TFE3: variants seen among roughly 807,000 people sequenced by gnomAD.
TFE3 encodes transcription factor E3.
Under a neutral mutation model 35.0 loss-of-function variants are expected in TFE3, and 5 were observed. The observed-to-expected ratio is 0.14, with a 90% CI of 0.07 to 0.30. The LOEUF (loss-of-function observed/expected upper bound fraction) is 0.30, where lower values mean the gene tolerates loss of function less well. Among genes scored for constraint, TFE3 ranks in the 10% least tolerant of loss-of-function variants. TFE3 has a pLI of 1.00. For missense variants in TFE3, 374 were observed against 496.6 expected, an observed-to-expected ratio of 0.75 and a Z score of 2.35; for synonymous variants, 211 against 215.6, an observed-to-expected ratio of 0.98 and a Z score of 0.18.
At chrX:49,038,592 A>G (rs926892730) in intron 3 of TFE3, 150 bp from the exon 4 acceptor site, 182 of 712,409 alleles carry the variant, frequency 2.6e-4, no homozygotes, top group Admixed American at 1.2e-4. Context: ...ACACCCCAAA[A>G]ATATTAGCGA....
intron 8 of TFE3, 146 bp downstream of exon 8, chrX:49,033,319 G>T: frequency 1.9e-6 from 1 of 523,286 alleles, no homozygotes; most frequent in Non-Finnish European, 3.1e-6. Flanking sequence ...GTGAGGGTCT[G>T]CAACCCTGCT....
intron 9 of TFE3, 28 bp downstream of exon 9, chrX:49,031,369 C>A (rs2064698925): frequency 8.6e-7 from 1 of 1,167,481 alleles, no homozygotes; most frequent in African/African-American, 1.8e-5. Context: ...TCCCCCTCTT[C>A]CCCCACCACC....
intron 1 of TFE3, 49 bp from the exon 2 acceptor site, chrX:49,040,617 T>A (rs185415465): frequency 1.2e-6 from 1 of 837,396 alleles, no homozygotes; most frequent in African/African-American, 2.0e-5. Context: ...AGGACCTTAT[T>A]CCCCAGCCCT....
chrX:49,040,822 C>T (rs2064756912), intron 1 of TFE3, among the ~76,000 whole-genome samples: 1 of 107,979 alleles, frequency 9.3e-6, no homozygotes, highest in African/African-American at 3.4e-5. Context: ...GCATCCCAAC[C>T]CCCACACTGT....
At chrX:49,039,703 C>G (rs909908228) in intron 2 of TFE3, 4 of 255,822 alleles carry the variant, frequency 1.6e-5, no homozygotes, top group Non-Finnish European at 2.1e-5. Flanking sequence ...TGCTATTGTT[C>G]AGCTCTGCAA....
In TFE3 at chrX:49,030,522, G is replaced by A. The variant is rs782142662; in HGVS notation, c.1364C>T (p.Ala455Val). The A allele has an allele frequency of 2.5e-6, 3 of 1,211,822 alleles. No homozygotes were observed. The highest frequency in any genetic ancestry group is 3.4e-6 in the Non-Finnish European group (3 of 895,491). The change falls in exon 10 of 10, where the codon GCT becomes GTT. Residue 455 changes from alanine (A) to valine (V), a missense_variant. Physicochemically the swap from Ala to Val is moderately conservative, Grantham distance 64. Transcript: ENST00000315869. ...CTGCTCTGGCTTGAGGCTGTCAGAA[G>A]CCGAAGTCGTGGCCAAGGAAAGCAG... ...PGLLSLATTS[A>V]SDSLKPEQLD... is the part of the protein sequence containing the mutation.
Position 49,039,137 on chromosome X carries a change from G to A in TFE3, c.504C>T (p.Pro168=). 8.4e-7 allele frequency: 1 copy of A among 1,184,724 alleles called. No homozygotes were observed. Among genetic ancestry groups the A allele is most frequent in the Non-Finnish European group, 1.1e-6 (1 of 880,156 alleles). Residue 168 remains proline (P), a synonymous_variant, in exon 3 of 10, where the codon CCC becomes CCT. Coordinates refer to ENST00000315869, the MANE Select transcript of TFE3 (RefSeq NM_006521.6). ...SAGGHTLSRP[P]PAQVPREVLK... Reference sequence around the variant, plus strand: ...GCACCTCCCTGGGCACCTGAGCAGGGGGTGGACGGCTCAATGTGTGGCCCC... The same window carrying A: ...GCACCTCCCTGGGCACCTGAGCAGGAGGTGGACGGCTCAATGTGTGGCCCC...
rs782306835 is a variant in TFE3 at position 49,040,459 on chromosome X, A to G, written c.226T>C (p.Ser76Pro). 56 of 1,202,092 alleles carry G rather than the reference A, an allele frequency of 4.7e-5. No homozygotes were observed. Among genetic ancestry groups the G allele is most frequent in the Non-Finnish European group, 6.1e-5 (54 of 888,716 alleles). ...ELKSQPLPLR[S>P]SLPISLQATP... ...AGATAGACAAGTCATACATACCTTG[A>G]GCGAAGGGGTAAGGGTTGGCTTTTG... The change falls in exon 2 of 10, where the codon TCA becomes CCA. Residue 76 changes from serine to proline, a missense_variant. Ser to Pro is a moderately conservative substitution (Grantham distance 74, BLOSUM62 -1). Transcript: ENST00000315869.
At position 49,043,163 on chromosome X, in the gene TFE3, C is replaced by G. The variant is rs782193138; in HGVS notation, c.64G>C (p.Val22Leu). Reference sequence around the variant, plus strand: ...CTGCGCTCCTCCAACAGCACGAACACGGCTCGAGGGCCCTCCGCGCTGGCC... The same window carrying G: ...CTGCGCTCCTCCAACAGCACGAACAGGGCTCGAGGGCCCTCCGCGCTGGCC... ...VEASAEGPRAVFVLLEERRPA... is the reference protein window; with the variant it reads ...VEASAEGPRALFVLLEERRPA... The change falls in exon 1 of 10, where the codon GTG becomes CTG. Residue 22 changes from valine to leucine, a missense_variant. By Grantham distance (32) the Val-to-Leu change is conservative. Transcript: ENST00000315869. 5.9e-6 allele frequency: 7 copies of G among 1,190,051 alleles called. No homozygotes were observed. The African/African-American group carries it at 1.2e-4, about 21-fold the overall frequency.
chrX:49,033,889 T>C (rs2064713774), intron 6 of TFE3, 107 bp from the exon 7 acceptor site: 1 of 901,903 alleles, frequency 1.1e-6, no homozygotes, highest in African/African-American at 2.0e-5. Flanking sequence ...ATGCCTTTTT[T>C]AAAAAGTGCC....
In TFE3 at chrX:49,028,743, C is replaced by T. The variant is rs1261233981; in HGVS notation, c.*1415G>A. 4.4e-5 allele frequency: 7 copies of T among 160,478 alleles called. No homozygotes were observed. Among genetic ancestry groups the T allele is most frequent in the Non-Finnish European group, 6.1e-5 (5 of 82,598 alleles). The allele number at this position is 160,478 out of a possible 1,213,427, so 13.2% of individuals were successfully genotyped here. ...GGAGACTCTTTGCCAAAGTTAAAAGCGCATCAAACACGCCTAGCTTTTATT... is the reference window on the plus strand; with the variant it reads ...GGAGACTCTTTGCCAAAGTTAAAAGTGCATCAAACACGCCTAGCTTTTATT... On this transcript the variant is annotated 3_prime_UTR_variant, in exon 10 of 10. Coordinates refer to ENST00000315869, the MANE Select transcript of TFE3 (RefSeq NM_006521.6).
At position 49,042,136 on chromosome X, in the gene TFE3, G is replaced by T. The variant is rs1305564413; in HGVS notation, c.116+975C>A. ...TTGATGAAAGTAAGGATGAGAAGAG[G>T]CCAGAGGGGATCCACCCAGGCAGGG... On this transcript the variant is annotated intron_variant, in intron 1 of 9. Transcript: ENST00000315869. Among the ~76,000 whole-genome samples the T allele has an allele frequency of 2.3e-4, 26 of 111,765 alleles. No individual in the cohort carries two copies. The Admixed American group carries it at 2.5e-3, about 11-fold the overall frequency.
rs2064685095 is a variant in TFE3 at position 49,029,410 on chromosome X, T to C, written c.*748A>G. On this transcript the variant is annotated 3_prime_UTR_variant, in exon 10 of 10. Coordinates refer to ENST00000315869, the MANE Select transcript of TFE3 (RefSeq NM_006521.6). ...TACCACTCCTCCCTGCAGTGTGGAA[T>C]GCTTAGATGGGATGTTGCTGAGGGA... 1 of 223,357 alleles carries C rather than the reference T, an allele frequency of 4.5e-6. No homozygotes were observed. The highest frequency in any genetic ancestry group is 2.7e-5 in the African/African-American group (1 of 36,858). 18.4% of individuals were successfully genotyped at this position (223,357 alleles called of 1,213,427 possible).
Position 49,029,157 on chromosome X carries a change from T to C in TFE3, c.*1001A>G, listed in dbSNP as rs1238827899. ...AAAAAGAATACTGAGGTACTGGTTC[T>C]GGTAACCTGAACTCAGTCCCCCACT... On this transcript the variant is annotated 3_prime_UTR_variant, in exon 10 of 10. Coordinates refer to ENST00000315869, the MANE Select transcript of TFE3 (RefSeq NM_006521.6). The C allele has an allele frequency of 1.2e-5, 2 of 172,144 alleles. No homozygotes were observed. The highest frequency in any genetic ancestry group is 2.2e-5 in the Non-Finnish European group (2 of 90,524). The allele number at this position is 172,144 out of a possible 1,213,427, so 14.2% of individuals were successfully genotyped here.
At chrX:49,037,719 A>T (rs966358521) in intron 5 of TFE3, 6 of 205,723 alleles carry the variant, frequency 2.9e-5, no homozygotes, top group Non-Finnish European at 4.4e-5. Flanking sequence ...AAAAAAAAAG[A>T]TTATCATCTC....
At chrX:49,035,780 T>C (rs1293849019) in intron 5 of TFE3, among the ~76,000 whole-genome samples, 3 of 110,774 alleles carry the variant, frequency 2.7e-5, no homozygotes, top group Admixed American at 9.8e-5. Context: ...TCCAAATCAA[T>C]AAAAAGTTCT....
chrX:49,032,013 C>T (rs1172541315), intron 8 of TFE3: 3 of 113,466 alleles, frequency 2.6e-5, no homozygotes, highest in Admixed American at 1.9e-4. Flanking sequence ...TTATCCCAAA[C>T]TAACCCTCCC....
At chrX:49,030,987 A>G (rs2064696762) in intron 9 of TFE3, among the ~76,000 whole-genome samples, 1 of 110,967 alleles carries the variant, frequency 9.0e-6, no homozygotes, top group Non-Finnish European at 1.9e-5. Context: ...CAGGAGGCTG[A>G]GACAGGAGAA....
rs193113651 is a variant in TFE3 at position 49,029,471 on chromosome X, G to A, written c.*687C>T. On this transcript the variant is annotated 3_prime_UTR_variant, in exon 10 of 10. Coordinates refer to ENST00000315869, the MANE Select transcript of TFE3 (RefSeq NM_006521.6). ...GCTGTGATCTCCACAAGCACTAGCG[G>A]TGGCCTGGTCCTACTGATTCTTTCA... 9 of 262,701 alleles carry A rather than the reference G, an allele frequency of 3.4e-5. No homozygotes were observed. Among genetic ancestry groups the A allele is most frequent in the African/African-American group, 1.9e-4 (7 of 37,393 alleles). 21.6% of individuals were successfully genotyped at this position (262,701 alleles called of 1,213,427 possible).
Sources: allele counts gnomAD v4.1 joint callset (sites outside exome capture counted in the v4.1 genomes callset), GRCh38; gene constraint gnomAD v4.1.1; transcripts MANE v1.5; gene names NCBI Gene and HGNC (gene_info 2026-07-23, HGNC 2026-07-21).